Variants in EVL observed in about 807,000 individuals in gnomAD.
The protein encoded by EVL is ena/VASP-like protein.
In EVL, 21 loss-of-function variants were observed where a neutral mutation model predicts 59.6. The ratio of observed to expected loss-of-function variants is 0.35; its 90% CI spans 0.25 to 0.51. The LOEUF (loss-of-function observed/expected upper bound fraction) is 0.51, where lower values mean the gene tolerates loss of function less well. Ranked by LOEUF, EVL falls within the 20% of genes least tolerant of loss-of-function variation. The probability of loss-of-function intolerance (pLI) is 0.97; values close to 1 mark genes in which losing one functional copy is unlikely to be tolerated. For missense variants in EVL, 462 were observed against 546.6 expected (o/e 0.85, Z 1.54); for synonymous variants, 198 against 203.5 (o/e 0.97, Z 0.23).
intron 1 of EVL, among the ~76,000 whole-genome samples, chr14:100,081,740 C>G (rs946137918): frequency 4.6e-5 from 7 of 152,208 alleles, no homozygotes; most frequent in Non-Finnish European, 1.0e-4. Context: ...CTGCCTGTCT[C>G]TTCCTCCTAG....
In EVL at chr14:99,972,567, C is replaced by T. The variant is rs2060741646; in HGVS notation, c.5+510C>T. Among the ~76,000 whole-genome samples the T allele has an allele frequency of 1.3e-5, 2 of 152,186 alleles. No homozygotes were observed. Among genetic ancestry groups the T allele is most frequent in the South Asian group, 4.1e-4 (2 of 4,828 alleles). ...GTGTAGTTTCCCCTCGACTTGGAGCCCGTCAACCCCTTCGTCTCCTAATTC... is the reference window on the plus strand; with the variant it reads ...GTGTAGTTTCCCCTCGACTTGGAGCTCGTCAACCCCTTCGTCTCCTAATTC... On this transcript the variant is annotated intron_variant, in intron 1 of 13. Coordinates refer to the EVL transcript ENST00000402714. The surrounding 1 kb of genome is among the most constrained non-coding windows in gnomAD (Gnocchi z 4.4).
intron 1 of EVL, among the ~76,000 whole-genome samples, chr14:100,079,176 C>A (rs1413652073): frequency 6.6e-6 from 1 of 152,212 alleles, no homozygotes; most frequent in East Asian, 1.9e-4. Flanking sequence ...CACAGGAGCC[C>A]ACCCGCAGAG....
rs1057178771 is a variant in EVL at position 100,126,299 on chromosome 14, AAC to A, written c.423-403_423-402del. ...TGTGTCCATTTCTGCTGGCAACCAA[AAC>A]ACACCTGAGAACTGTCCCAGGAAGC... On this transcript the variant is annotated intron_variant, in intron 4 of 13. Coordinates refer to ENST00000392920, the MANE Select transcript of EVL (RefSeq NM_016337.3). Among the ~76,000 whole-genome samples, 3 of 152,190 alleles carry A rather than the reference AAC, an allele frequency of 2.0e-5. 1 individual carries two copies. The highest frequency in any genetic ancestry group is 4.4e-5 in the Non-Finnish European group (3 of 68,036).
rs55782537 is a variant in EVL at position 100,099,744 on chromosome 14, A to G, written c.358+2086A>G. 4.4e-4 allele frequency among the ~76,000 whole-genome samples: 53 copies of G among 119,182 alleles called. No individual in the cohort carries two copies. The South Asian group carries it at 9.9e-3, about 22-fold the overall frequency. The allele number at this position is 119,182 out of a possible 152,430, so 78.2% of individuals were successfully genotyped here. On this transcript the variant is annotated intron_variant, in intron 3 of 13. Transcript: ENST00000392920. The stretch of plus-strand genomic sequence containing the variant: ...GAGTTAAGCTTTTTTTTTTTTTTTT[A>G]ATTTTATTTTAGTAGAGACAGAGTT...
intron 13 of EVL, among the ~76,000 whole-genome samples, chr14:100,142,663 C>G (rs1342907139): frequency 6.6e-6 from 1 of 152,154 alleles, no homozygotes; most frequent in Non-Finnish European, 1.5e-5. Context: ...GGCCTCCTCC[C>G]CCAGCCGGCC....
intron 2 of EVL, among the ~76,000 whole-genome samples, chr14:100,096,722 G>C (rs1241116507): frequency 2.6e-5 from 4 of 152,224 alleles, no homozygotes; most frequent in Non-Finnish European, 5.9e-5. Context: ...ATCTCTGAAA[G>C]AGCAGAAGTT....
intron 1 of EVL, among the ~76,000 whole-genome samples, chr14:100,044,238 C>A (rs760241505): frequency 6.6e-6 from 1 of 152,130 alleles, no homozygotes; most frequent in African/African-American, 2.4e-5. Flanking sequence ...CATGTGTGAA[C>A]CTGCGTAGCA....
At chr14:100,077,182 C>T (rs1435051763) in intron 1 of EVL, among the ~76,000 whole-genome samples, 3 of 151,960 alleles carry the variant, frequency 2.0e-5, no homozygotes, top group East Asian at 1.9e-4. Context: ...CAACCAGAGG[C>T]GGGGGAACAG....
intron 4 of EVL, among the ~76,000 whole-genome samples, chr14:100,124,575 G>T (rs59019217): frequency 0.035 from 5,379 of 152,250 alleles, 310 homozygotes; most frequent in African/African-American, 0.12. Flanking sequence ...GAGAATGGAA[G>T]TGACTTGCCC....
chr14:99,997,612 T>A (rs1265860188), intron 1 of EVL, among the ~76,000 whole-genome samples: 3 of 152,172 alleles, frequency 2.0e-5, no homozygotes, highest in African/African-American at 7.2e-5. Flanking sequence ...GAGGAATGGG[T>A]GAAGAGAGGA....
At chr14:100,095,712 A>T (rs1422315143) in intron 2 of EVL, among the ~76,000 whole-genome samples, 1 of 151,620 alleles carries the variant, frequency 6.6e-6, no homozygotes, top group Non-Finnish European at 1.5e-5. Flanking sequence ...TTGTGAAACA[A>T]TTACAGGTTT....
intron 1 of EVL, among the ~76,000 whole-genome samples, chr14:100,080,649 G>A (rs1424597913): frequency 2.0e-5 from 3 of 152,212 alleles, no homozygotes; most frequent in Non-Finnish European, 4.4e-5. Context: ...GGCCCAAAAT[G>A]ACAGGGGAAT....
chr14:100,019,888 G>A (rs2061090775), intron 1 of EVL, among the ~76,000 whole-genome samples: 1 of 152,222 alleles, frequency 6.6e-6, no homozygotes, highest in Admixed American at 6.5e-5. Context: ...GTGTGCAGAA[G>A]TGCAGCGTGG....
chr14:100,137,286 C>T, intron 9 of EVL: 1 of 480,716 alleles, frequency 2.1e-6, no homozygotes, highest in Non-Finnish European at 3.8e-6. Context: ...GTCGTGCTTG[C>T]TCGCCCTGTG....
intron 3 of EVL, chr14:100,105,920 C>T (rs765312173): frequency 4.6e-5 from 7 of 152,230 alleles, no homozygotes; most frequent in Non-Finnish European, 8.8e-5. Flanking sequence ...CATGAGCTTC[C>T]TTGAGTCGGG....
At chr14:100,059,924 A>G (rs2061794857) in intron 1 of EVL, among the ~76,000 whole-genome samples, 1 of 152,222 alleles carries the variant, frequency 6.6e-6, no homozygotes, top group South Asian at 2.1e-4. Flanking sequence ...AGTATCTAAC[A>G]TACAATCATA....
intron 1 of EVL, among the ~76,000 whole-genome samples, chr14:99,980,688 C>T (rs1486440965): frequency 6.6e-6 from 1 of 152,194 alleles, no homozygotes; most frequent in Non-Finnish European, 1.5e-5. Flanking sequence ...CGGGGCATTT[C>T]CTAAGGTGGC....
intron 1 of EVL, among the ~76,000 whole-genome samples, chr14:99,980,993 C>T (rs2060802211): frequency 6.6e-6 from 1 of 150,814 alleles, no homozygotes; most frequent in Admixed American, 6.6e-5. Flanking sequence ...CCCAGCTACT[C>T]GGGAGGCTGA....
intron 1 of EVL, among the ~76,000 whole-genome samples, chr14:99,982,734 T>C (rs1243045415): frequency 6.6e-6 from 1 of 152,222 alleles, no homozygotes; most frequent in Non-Finnish European, 1.5e-5. Flanking sequence ...CTCTTCAGTT[T>C]GCAGTTAATG....
Sources: allele counts gnomAD v4.1 joint callset (sites outside exome capture counted in the v4.1 genomes callset), GRCh38; gene constraint gnomAD v4.1.1; non-coding constraint Gnocchi (gnomAD v3.1); transcripts MANE v1.5; gene names NCBI Gene and HGNC (gene_info 2026-07-23, HGNC 2026-07-21).